Variants in PIH1D2 observed in about 807,000 individuals in gnomAD.
PIH1D2 encodes PIH1 domain containing 2, also known as PIH1 domain-containing protein 2.
In PIH1D2, 25 loss-of-function variants were observed where a neutral mutation model predicts 31.2. The observed-to-expected ratio is 0.80, with a 90% confidence interval of 0.58 to 1.12. The LOEUF is 1.12. Among genes scored for constraint, PIH1D2 ranks in the 50% most tolerant of loss-of-function variants. PIH1D2 has a pLI of 0.00. For synonymous variants in PIH1D2, 116 were observed against 119.9 expected (o/e 0.97, Z 0.21); for missense variants, 310 against 356.6 (o/e 0.87, Z 1.05).
the PIH1D2 span, among the ~76,000 whole-genome samples, chr11:112,054,429 G>A: frequency 6.6e-5 from 10 of 152,138 alleles, no homozygotes; most frequent in African/African-American, 1.9e-4. Context: ...GATTGTGTAT[G>A]ACTAAGACAT....
At chr11:112,071,430 A>G (rs1248402010) in intron 3 of PIH1D2, 147 bp from the exon 4 acceptor site, 3 of 1,286,838 alleles carry the variant, frequency 2.3e-6, no homozygotes, top group Non-Finnish European at 3.2e-6. Context: ...TACAGCAATT[A>G]TGACATTTCT....
the PIH1D2 span, among the ~76,000 whole-genome samples, chr11:112,057,515 C>T: frequency 1.8e-3 from 278 of 152,320 alleles, no homozygotes; most frequent in African/African-American, 6.4e-3. Flanking sequence ...GAAAGTGAAA[C>T]AGCCTTGTTG....
At chr11:112,072,890 AAAAAAAAAAC>A in intron 2 of PIH1D2, 98 bp downstream of exon 2, 2 of 1,067,884 alleles carry the variant, frequency 1.9e-6, no homozygotes, top group South Asian at 2.4e-5. Context: ...AAAACAAAAC[AAAAAAAAAAC>A]AAAAAAAATT....
At chr11:112,062,330 T>C, downstream of PIH1D2, 2 of 1,505,440 alleles carry the variant, frequency 1.3e-6, no homozygotes, top group Non-Finnish European at 1.8e-6. Context: ...AGGGTAGGAG[T>C]GAGCATTTGG....
At chr11:112,073,742 TAGAG>T (rs1261094149) in intron 1 of PIH1D2, among the ~76,000 whole-genome samples, 1 of 152,182 alleles carries the variant, frequency 6.6e-6, no homozygotes, top group Non-Finnish European at 1.5e-5. Context: ...AGTAAGCTAA[TAGAG>T]AGGCTGGGAC....
At chr11:112,061,187 A>G, downstream of PIH1D2, 1 of 1,613,996 alleles carries the variant, frequency 6.2e-7, no homozygotes, top group Non-Finnish European at 8.5e-7. Context: ...AAGTGCCAAA[A>G]TGGAGGGGAA....
chr11:112,070,193 A>G, intron 5 of PIH1D2: 1 of 601,908 alleles, frequency 1.7e-6, no homozygotes, highest in Non-Finnish European at 2.9e-6. Context: ...GAGCGTGAGT[A>G]GAAGTGATAT....
downstream of PIH1D2, chr11:112,067,655 T>TC (rs1386851338): frequency 1.6e-4 from 2 of 12,252 alleles, no homozygotes; most frequent in South Asian, 8.9e-3. Flanking sequence ...AGAGCGAAAC[T>TC]CCGTCTCAAA....
intron 5 of PIH1D2, 86 bp downstream of exon 5, chr11:112,070,350 G>T: frequency 6.8e-7 from 1 of 1,474,570 alleles, no homozygotes; most frequent in Non-Finnish European, 9.3e-7. Context: ...GTAAGCCCCT[G>T]AAATTATGTA....
chr11:112,069,676 G>A (rs1865050097), intron 5 of PIH1D2: 1 of 152,182 alleles, frequency 6.6e-6, no homozygotes, highest in Admixed American at 6.5e-5. Flanking sequence ...AAATGGAACT[G>A]GGGAGCTAGG....
downstream of PIH1D2, among the ~76,000 whole-genome samples, chr11:112,058,671 T>G (rs1248375453): frequency 6.6e-6 from 1 of 151,686 alleles, no homozygotes; most frequent in Non-Finnish European, 1.5e-5. Context: ...CATTTAGCAT[T>G]TCTTCCTTTT....
rs933853243 is a variant in PIH1D2, at chr11:112,073,085, A to T, written c.90T>A (p.Tyr30Ter). ...DDLAQSDPEG[Y>*]EKFIQQQLKE... ...TCAGCTGCTGCTGAATAAACTTCTC[A>T]TAGCCCTCAGGGTCACTCTGAGCTA... Residue 30 changes from tyrosine to a stop codon, truncating the protein, a stop_gained, in exon 2 of 6, where the codon TAT becomes TAA. Transcript: ENST00000280350. LOFTEE classifies it high-confidence loss of function. 2 of 1,614,036 alleles carry T rather than the reference A, an allele frequency of 1.2e-6. No homozygotes were observed. Among genetic ancestry groups the T allele is most frequent in the African/African-American group, 2.7e-5 (2 of 74,914 alleles).
At chr11:112,055,848 CTTTTTTTTTTTTTTTTTTTT>C in the PIH1D2 span, among the ~76,000 whole-genome samples, 98 of 31,988 alleles carry the variant, frequency 3.1e-3, no homozygotes, top group South Asian at 0.044. Flanking sequence ...CATATAGACA[CTTTTTTTTTTTTTTTTTTTT>C]TTTTTTTTTT....
At chr11:112,072,871 A>G in intron 2 of PIH1D2, 127 bp downstream of exon 2, 1 of 1,031,064 alleles carries the variant, frequency 9.7e-7, no homozygotes, top group Non-Finnish European at 1.3e-6. Flanking sequence ...TCAAAAAACA[A>G]AACAAAACAA....
At chr11:112,068,892 A>T (rs1865016986) in intron 5 of PIH1D2, among the ~76,000 whole-genome samples, 1 of 152,108 alleles carries the variant, frequency 6.6e-6, no homozygotes, top group East Asian at 1.9e-4. Context: ...TAAAATTGAG[A>T]AATTACTTTT....
downstream of PIH1D2, among the ~76,000 whole-genome samples, chr11:112,065,981 G>T (rs192975544): frequency 6.6e-6 from 1 of 151,396 alleles, no homozygotes; most frequent in South Asian, 2.1e-4. Context: ...CTGGGTGACC[G>T]AGCGAGACTC....
At chr11:112,057,380 G>C in the PIH1D2 span, among the ~76,000 whole-genome samples, 1 of 152,320 alleles carries the variant, frequency 6.6e-6, no homozygotes, top group African/African-American at 2.4e-5. Flanking sequence ...AATGAGTAAG[G>C]CATGTCAAAA....
At chr11:112,057,264 T>C in the PIH1D2 span, among the ~76,000 whole-genome samples, 1 of 152,230 alleles carries the variant, frequency 6.6e-6, no homozygotes, top group African/African-American at 2.4e-5. Flanking sequence ...ACAATAAAAC[T>C]GAAATCAGGC....
the PIH1D2 span, among the ~76,000 whole-genome samples, chr11:112,053,030 T>C: frequency 6.6e-6 from 1 of 152,142 alleles, no homozygotes; most frequent in Non-Finnish European, 1.5e-5. Context: ...CACTTACTAA[T>C]ATTTATTAAT....
Sources: gnomAD v4.1 joint callset for allele counts (sites outside exome capture counted in the v4.1 genomes callset) on GRCh38, gnomAD v4.1.1 for gene constraint, MANE v1.5 for transcripts, NCBI Gene and HGNC (gene_info 2026-07-23, HGNC 2026-07-21) for gene names.